C6orf58: variants seen among roughly 807,000 people sequenced by gnomAD.
C6orf58 encodes the protein protein LEG1 homolog.
In C6orf58, 30 loss-of-function variants were observed where a neutral mutation model predicts 37.0. That is an observed-to-expected ratio of 0.81 (90% CI 0.61 to 1.10). The LOEUF (loss-of-function observed/expected upper bound fraction) is 1.10, where lower values mean the gene tolerates loss of function less well. Ranked by LOEUF, C6orf58 falls within the 50% of genes least tolerant of loss-of-function variation. The pLI is 0.00. For synonymous variants in C6orf58, 143 were observed against 134.1 expected (o/e 1.07, Z -0.46); for missense variants, 368 against 387.5 (o/e 0.95, Z 0.42).
At chr6:127,588,829 G>T (rs891517452) in intron 4 of C6orf58, among the ~76,000 whole-genome samples, 9 of 152,136 alleles carry the variant, frequency 5.9e-5, no homozygotes, top group South Asian at 2.1e-4. Flanking sequence ...GACCTCTGTG[G>T]CCCTTGCTCA....
rs925170198 is a variant in C6orf58, at chr6:127,589,999, T to G, written c.675-88T>G. ...TTATAAAATTATGAATTTAGTTTGT[T>G]GGCAAGAACCAATATTTTCTGAAGG... On this transcript the variant is annotated intron_variant, in intron 4 of 5. Transcript: ENST00000329722. 10 of 830,442 alleles carry G rather than the reference T, an allele frequency of 1.2e-5. No homozygotes were observed. The Admixed American group carries it at 1.9e-4, about 15-fold the overall frequency. 51.4% of individuals were successfully genotyped at this position (830,442 alleles called of 1,614,324 possible).
chr6:127,579,948 T>A (rs1361038523), intron 2 of C6orf58, among the ~76,000 whole-genome samples: 1 of 152,096 alleles, frequency 6.6e-6, no homozygotes, highest in African/African-American at 2.4e-5. Context: ...AGTTGATAGC[T>A]TTCTTCCATT....
At chr6:127,589,960 G>A in intron 4 of C6orf58, 127 bp from the exon 5 acceptor site, 1 of 662,360 alleles carries the variant, frequency 1.5e-6, no homozygotes, top group South Asian at 1.9e-5. Context: ...ACAATATCAA[G>A]CCTATTTTCT....
At chr6:127,577,623 T>C (rs1775003777) in intron 1 of C6orf58, 137 bp downstream of exon 1, 5 of 749,348 alleles carry the variant, frequency 6.7e-6, no homozygotes, top group Non-Finnish European at 1.1e-5. Flanking sequence ...CTTATAATCA[T>C]TGTTTTTCTA....
intron 4 of C6orf58, among the ~76,000 whole-genome samples, chr6:127,588,743 T>G (rs1775131336): frequency 1.3e-5 from 2 of 152,202 alleles, no homozygotes; most frequent in African/African-American, 4.8e-5. Context: ...GATTTCTGTG[T>G]ATTGAACTGG....
chr6:127,590,061 TA>T (rs1775145516), intron 4 of C6orf58, 25 bp from the exon 5 acceptor site: 18 of 1,521,774 alleles, frequency 1.2e-5, no homozygotes, highest in Non-Finnish European at 1.6e-5. Context: ...TAATTATAAT[TA>T]AATACTTTTC....
chr6:127,590,836 A>G (rs1009213330), intron 5 of C6orf58, among the ~76,000 whole-genome samples: 1 of 152,094 alleles, frequency 6.6e-6, no homozygotes, highest in Admixed American at 6.6e-5. Flanking sequence ...GTGAGGTAAA[A>G]AAAACAGAGG....
intron 4 of C6orf58, among the ~76,000 whole-genome samples, chr6:127,586,244 A>C (rs1475528648): frequency 6.6e-6 from 1 of 152,230 alleles, no homozygotes; most frequent in Non-Finnish European, 1.5e-5. Context: ...AGTCAGGCAC[A>C]CAGACTTTCA....
chr6:127,577,424 C>A lies in C6orf58; in HGVS notation c.239C>A (p.Pro80Gln), dbSNP rs1361749913. 1 of 1,613,560 alleles carries A rather than the reference C, an allele frequency of 6.2e-7. No individual in the cohort carries two copies. The highest frequency in any genetic ancestry group is 1.7e-5 in the Admixed American group (1 of 59,966). Residue 80 changes from proline (P) to glutamine (Q), a missense_variant, in exon 1 of 6, where the codon CCA becomes CAA. Pro to Gln is a moderately conservative substitution (Grantham distance 76). Coordinates refer to ENST00000329722, the MANE Select transcript of C6orf58 (RefSeq NM_001010905.3). Reference sequence around the variant, plus strand: ...GCCAGGTATTTTGCAAAATTTGCACCAGATAATGAACAGAATATTTTATGG... The same window carrying A: ...GCCAGGTATTTTGCAAAATTTGCACAAGATAATGAACAGAATATTTTATGG... Reference protein sequence around the residue: ...QTARYFAKFAPDNEQNILWGL... With the variant: ...QTARYFAKFAQDNEQNILWGL...
chr6:127,579,654 G>A (rs1273123897), intron 2 of C6orf58, among the ~76,000 whole-genome samples: 2 of 152,074 alleles, frequency 1.3e-5, no homozygotes, highest in African/African-American at 4.8e-5. Flanking sequence ...GTCTGAGTCT[G>A]CTGGAATAGG....
At chr6:127,584,756 C>A (rs545126743) in intron 4 of C6orf58, among the ~76,000 whole-genome samples, 4 of 147,080 alleles carry the variant, frequency 2.7e-5, no homozygotes, top group Non-Finnish European at 5.9e-5. Context: ...AGATTGGGGA[C>A]TGGGTGACAG....
At chr6:127,586,366 G>A (rs899842184) in intron 4 of C6orf58, among the ~76,000 whole-genome samples, 4 of 152,226 alleles carry the variant, frequency 2.6e-5, no homozygotes, top group East Asian at 1.9e-4. Flanking sequence ...CAAACCAAGA[G>A]AGTCCTGCTA....
intron 4 of C6orf58, among the ~76,000 whole-genome samples, chr6:127,589,462 T>C (rs568979971): frequency 2.6e-5 from 4 of 152,348 alleles, no homozygotes; most frequent in African/African-American, 9.6e-5. Context: ...AATCTTTCCA[T>C]TGTAATTATT....
chr6:127,577,228 T>G lies in C6orf58; in HGVS notation c.43T>G (p.Phe15Val). 1 of 1,613,536 alleles carries G rather than the reference T, an allele frequency of 6.2e-7. No individual in the cohort carries two copies. The highest frequency in any genetic ancestry group is 1.1e-5 in the South Asian group (1 of 91,074). Reference sequence around the variant, plus strand: ...CTGGGTTTGTGTACTAGTTGGTTCCTTTTCTGCTTCCTTAGCAGGGACTTC... The same window carrying G: ...CTGGGTTTGTGTACTAGTTGGTTCCGTTTCTGCTTCCTTAGCAGGGACTTC... ...PSWVCVLVGS[F>V]SASLAGTSNL... The change falls in exon 1 of 6, where the codon TTT becomes GTT. Residue 15 changes from phenylalanine to valine, a missense_variant. Transcript: ENST00000329722.
In C6orf58 at chr6:127,591,481, G is replaced by A. The variant is rs185472616; in HGVS notation, c.914-62G>A. The A allele has an allele frequency of 3.9e-4, 541 of 1,393,438 alleles. 1 individual carries two copies. Among genetic ancestry groups the A allele is most frequent in the Non-Finnish European group, 4.8e-4 (507 of 1,049,336 alleles). 86.3% of individuals were successfully genotyped at this position (1,393,438 alleles called of 1,614,324 possible). On this transcript the variant is annotated intron_variant, in intron 5 of 5. Coordinates refer to ENST00000329722, the MANE Select transcript of C6orf58 (RefSeq NM_001010905.3). Reference sequence around the variant, plus strand: ...GAAATAAAATTATGAGCCATATATTGCCAAAAGGTACTTTAAAAAATTTGC... The same window carrying A: ...GAAATAAAATTATGAGCCATATATTACCAAAAGGTACTTTAAAAAATTTGC...
chr6:127,584,654 G>A (rs1001067446), intron 4 of C6orf58, among the ~76,000 whole-genome samples: 12 of 151,870 alleles, frequency 7.9e-5, no homozygotes, highest in Non-Finnish European at 1.2e-4. Context: ...CAGGCCTGTA[G>A]TACCAGCTAC....
intron 4 of C6orf58, among the ~76,000 whole-genome samples, chr6:127,585,406 A>G (rs2114296905): frequency 6.6e-6 from 1 of 152,322 alleles, no homozygotes; most frequent in Middle Eastern, 3.4e-3. Context: ...ATAGTCATCC[A>G]TTTTAATCAG....
intron 4 of C6orf58, 23 bp from the exon 5 acceptor site, chr6:127,590,064 A>T: frequency 6.5e-7 from 1 of 1,532,742 alleles, no homozygotes; most frequent in Non-Finnish European, 9.0e-7. Flanking sequence ...TTATAATTAA[A>T]TACTTTTCCG....
At position 127,577,262 on chromosome 6, in the gene C6orf58, CAG is replaced by C. The variant is rs760591268; in HGVS notation, c.81_82del (p.Glu27AspfsTer15). 5 of 1,613,398 alleles carry C rather than the reference CAG, an allele frequency of 3.1e-6. No homozygotes were observed. The African/African-American group carries it at 6.7e-5, about 22-fold the overall frequency. On this transcript the variant is annotated frameshift_variant, in exon 1 of 6. Coordinates refer to ENST00000329722, the MANE Select transcript of C6orf58 (RefSeq NM_001010905.3). LOFTEE classifies it high-confidence loss of function. ...TCCTTAGCAGGGACTTCCAATCTCTCAGAGACAGAGCCCCCTCTGTGGAAGGA... is the reference window on the plus strand; with the variant it reads ...TCCTTAGCAGGGACTTCCAATCTCTCAGACAGAGCCCCCTCTGTGGAAGGA...
Sources: allele counts gnomAD v4.1 joint callset (sites outside exome capture counted in the v4.1 genomes callset), GRCh38; gene constraint gnomAD v4.1.1; transcripts MANE v1.5; gene names NCBI Gene and HGNC (gene_info 2026-07-23, HGNC 2026-07-21).